The following CFDP1 variants were observed in gnomAD, a reference collection of about 807,000 sequenced individuals.
The protein encoded by CFDP1 is chromatin remodeling protein CFDP1, also known as heterochromatin-stabilizing protein CFDP1.
CFDP1 carries 31 observed loss-of-function variants against 40.1 expected under a neutral mutation model. That is an observed-to-expected ratio of 0.77 (90% CI 0.58 to 1.04). CFDP1 has a LOEUF of 1.04. Among genes scored for constraint, CFDP1 ranks in the 50% least tolerant of loss-of-function variants. The pLI is 0.00. For synonymous variants in CFDP1, 167 were observed against 120.0 expected, an observed-to-expected ratio of 1.39 and a Z score of -2.56; for missense variants, 423 against 343.4, an observed-to-expected ratio of 1.23 and a Z score of -1.83.
At chr16:75,307,034 A>G (rs1597321222) in intron 5 of CFDP1, among the ~76,000 whole-genome samples, 2 of 151,950 alleles carry the variant, frequency 1.3e-5, no homozygotes, top group South Asian at 2.1e-4. Context: ...TCTCATTCTT[A>G]TATCACCTGG....
chr16:75,336,767 A>G (rs758588515), intron 5 of CFDP1, among the ~76,000 whole-genome samples: 3 of 152,246 alleles, frequency 2.0e-5, no homozygotes, highest in Non-Finnish European at 4.4e-5. Flanking sequence ...AAACATGGAT[A>G]GCCACACCCT....
chr16:75,421,494 T>C (rs1347383980), intron 1 of CFDP1, among the ~76,000 whole-genome samples: 1 of 152,160 alleles, frequency 6.6e-6, no homozygotes, highest in Non-Finnish European at 1.5e-5. Flanking sequence ...AACATCCCTG[T>C]AGACAATGTA....
chr16:75,355,307 T>A (rs1453061984), intron 5 of CFDP1, among the ~76,000 whole-genome samples: 1 of 152,220 alleles, frequency 6.6e-6, no homozygotes, highest in Non-Finnish European at 1.5e-5. Flanking sequence ...AAGATTTCTG[T>A]AGCATGCAAT....
chr16:75,433,327 A>T lies in CFDP1; in HGVS notation c.26T>A (p.Phe9Tyr). 6.2e-7 allele frequency: 1 copy of T among 1,601,136 alleles called. No individual in the cohort carries two copies. The highest frequency in any genetic ancestry group is 8.5e-7 in the Non-Finnish European group (1 of 1,174,540). MEEFDSED[F>Y]STSEEDEDYV... ...GTCCTCGTCCTCCTCCGACGTAGAG[A>T]AGTCTTCGGAGTCGAATTCCTCCAT... The change falls in exon 1 of 7, where the codon TTC becomes TAC. Residue 9 changes from phenylalanine (F) to tyrosine (Y), a missense_variant. Transcript: ENST00000283882.
chr16:75,332,332 G>A (rs1048102232), intron 5 of CFDP1, among the ~76,000 whole-genome samples: 32 of 152,094 alleles, frequency 2.1e-4, no homozygotes, highest in Non-Finnish European at 4.1e-4. Context: ...CGCTGTAGTG[G>A]CACGCACCTA....
At chr16:75,330,052 C>G (rs1037754716) in intron 5 of CFDP1, among the ~76,000 whole-genome samples, 2 of 152,130 alleles carry the variant, frequency 1.3e-5, no homozygotes, top group African/African-American at 4.8e-5. Context: ...TCTAGGGTTA[C>G]TTCCCTGACC....
At chr16:75,383,587 G>A (rs1567664774) in intron 5 of CFDP1, among the ~76,000 whole-genome samples, 4 of 152,068 alleles carry the variant, frequency 2.6e-5, no homozygotes, top group Non-Finnish European at 4.4e-5. Context: ...TTGGGAGGCC[G>A]AGGTGGGCGG....
intron 1 of CFDP1, among the ~76,000 whole-genome samples, chr16:75,422,085 A>T (rs2079286669): frequency 6.6e-6 from 1 of 152,098 alleles, no homozygotes; most frequent in South Asian, 2.1e-4. Flanking sequence ...TGTTTTCCCA[A>T]ATACTTTCTC....
intron 6 of CFDP1, 36 bp downstream of exon 6, chr16:75,304,988 A>C: frequency 6.2e-7 from 1 of 1,601,332 alleles, no homozygotes. Flanking sequence ...CAGGGTTCTG[A>C]GGATTTTCCA....
chr16:75,337,229 G>A (rs1428622134), intron 5 of CFDP1, among the ~76,000 whole-genome samples: 1 of 152,176 alleles, frequency 6.6e-6, no homozygotes, highest in African/African-American at 2.4e-5. Context: ...ACTAAGTGCA[G>A]GAATGATGAC....
chr16:75,409,951 G>C (rs2549313), intron 4 of CFDP1, among the ~76,000 whole-genome samples: 1 of 150,094 alleles, frequency 6.7e-6, no homozygotes, highest in African/African-American at 2.5e-5. Flanking sequence ...GCCAGGCAGA[G>C]TAGTACATCC....
chr16:75,343,519 G>GAAAAAAAAA (rs1186421130), intron 5 of CFDP1, among the ~76,000 whole-genome samples: 1 of 152,208 alleles, frequency 6.6e-6, no homozygotes, highest in Non-Finnish European at 1.5e-5. Flanking sequence ...AGGAAATGTA[G>GAAAAAAAAA]AGAAAATGTA....
chr16:75,316,006 T>C (rs1481945887), intron 5 of CFDP1, among the ~76,000 whole-genome samples: 1 of 152,178 alleles, frequency 6.6e-6, no homozygotes, highest in Non-Finnish European at 1.5e-5. Context: ...TGGTCTTCAG[T>C]GTCTTGTTAA....
At chr16:75,367,291 G>A (rs1287891093) in intron 5 of CFDP1, among the ~76,000 whole-genome samples, 2 of 151,954 alleles carry the variant, frequency 1.3e-5, no homozygotes, top group African/African-American at 4.8e-5. Context: ...AAAAATTTAG[G>A]GAGAGTATTA....
chr16:75,354,592 T>C (rs552471073), intron 5 of CFDP1, among the ~76,000 whole-genome samples: 7 of 152,356 alleles, frequency 4.6e-5, no homozygotes, highest in Admixed American at 3.3e-4. Context: ...ACCATGGCTA[T>C]GCAAGATGTT....
At chr16:75,369,600 GAA>G (rs750724592) in intron 5 of CFDP1, among the ~76,000 whole-genome samples, 3 of 152,164 alleles carry the variant, frequency 2.0e-5, no homozygotes, top group Non-Finnish European at 4.4e-5. Context: ...GATGAAACTG[GAA>G]AAGCAATTTG....
intron 4 of CFDP1, among the ~76,000 whole-genome samples, chr16:75,410,629 C>G (rs1181753080): frequency 6.6e-6 from 1 of 151,802 alleles, no homozygotes. Context: ...AAAAAAAAGT[C>G]CAGGCACGGT....
intron 5 of CFDP1, among the ~76,000 whole-genome samples, chr16:75,336,144 G>A (rs1199724493): frequency 1.3e-5 from 2 of 152,126 alleles, no homozygotes; most frequent in Non-Finnish European, 2.9e-5. Context: ...GATTTTAGTT[G>A]TTATTAAGCA....
chr16:75,303,511 C>CCA lies in CFDP1; in HGVS notation c.809+1512_809+1513insTG, dbSNP rs55992900. Among the ~76,000 whole-genome samples, 291 of 145,924 alleles carry CCA rather than the reference C, an allele frequency of 2.0e-3. 4 individuals are homozygous for CCA. The highest frequency in any genetic ancestry group is 6.6e-3 in the African/African-American group (267 of 40,212). On this transcript the variant is annotated intron_variant, in intron 6 of 6. Transcript: ENST00000283882. ...CCTAATTTAGAAATATGACCCCCCC[C>CCA]AATAAATCCTTTGTCTATCATTAAT...
Sources: allele counts gnomAD v4.1 joint callset (sites outside exome capture counted in the v4.1 genomes callset), GRCh38; gene constraint gnomAD v4.1.1; transcripts MANE v1.5; gene names NCBI Gene and HGNC (gene_info 2026-07-23, HGNC 2026-07-21).